FYB1: variants seen among roughly 807,000 people sequenced by gnomAD.
The protein encoded by FYB1 is FYN binding protein 1.
A neutral mutation model predicts 94.1 loss-of-function variants in FYB1; 41 were observed. The observed-to-expected ratio is 0.44, with a 90% confidence interval of 0.34 to 0.57. The LOEUF (loss-of-function observed/expected upper bound fraction) is 0.57, where lower values mean the gene tolerates loss of function less well. Ranked by LOEUF, FYB1 falls within the 20% of genes least tolerant of loss-of-function variation. The pLI is 0.02. For synonymous variants in FYB1, 367 were observed against 353.2 expected (o/e 1.04, Z -0.44); for missense variants, 1,050 against 976.8 (o/e 1.07, Z -1.00).
At chr5:39,127,196 GATA>G (rs1411557417) in intron 11 of FYB1, among the ~76,000 whole-genome samples, 6 of 150,354 alleles carry the variant, frequency 4.0e-5, no homozygotes, top group African/African-American at 9.7e-5. Flanking sequence ...TAAATGAACA[GATA>G]ATTATTATTA....
At chr5:39,265,720 C>T (rs533094317) in intron 1 of FYB1, among the ~76,000 whole-genome samples, 45 of 152,254 alleles carry the variant, frequency 3.0e-4, no homozygotes, top group Admixed American at 9.8e-4. Flanking sequence ...TTGACCCTCC[C>T]AGTGATTCTC....
intron 2 of FYB1, among the ~76,000 whole-genome samples, chr5:39,176,336 A>C (rs904337419): frequency 1.3e-5 from 2 of 151,186 alleles, no homozygotes; most frequent in Middle Eastern, 3.4e-3. Flanking sequence ...TTTTTAGTAG[A>C]TACAGGGTTT....
At chr5:39,238,475 AT>A (rs1472580024) in intron 1 of FYB1, among the ~76,000 whole-genome samples, 1 of 152,028 alleles carries the variant, frequency 6.6e-6, no homozygotes, top group South Asian at 2.1e-4. Context: ...GGTGAGATCA[AT>A]TTTTTTGCAG....
Position 39,119,055 on chromosome 5 carries a change from T to G in FYB1, c.2239-19A>C. ...CATCATACTAAAAAAAAAAGAACAA[T>G]ATTTAAATTATTGGTTTATGTGCAT... On this transcript the variant is annotated intron_variant, in intron 15 of 18. Transcript: ENST00000512982. 1 of 1,157,158 alleles carries G rather than the reference T, an allele frequency of 8.6e-7. No homozygotes were observed. Among genetic ancestry groups the G allele is most frequent in the Non-Finnish European group, 1.2e-6 (1 of 859,006 alleles). 71.7% of individuals were successfully genotyped at this position (1,157,158 alleles called of 1,614,324 possible).
In FYB1 at chr5:39,185,605, T is replaced by TAC. The variant is rs1194146240; in HGVS notation, c.1135+16219_1135+16220dup. Among the ~76,000 whole-genome samples, 18 of 145,256 alleles carry TAC rather than the reference T, an allele frequency of 1.2e-4. 1 individual carries two copies. Among genetic ancestry groups the TAC allele is most frequent in the Non-Finnish European group, 2.2e-4 (15 of 66,902 alleles). On this transcript the variant is annotated intron_variant, in intron 2 of 18. Coordinates refer to ENST00000512982, the MANE Select transcript of FYB1 (RefSeq NM_001465.6). The stretch of plus-strand genomic sequence containing the variant: ...ATATATACATATATATACATATATA[T>TAC]ACACATATATATATATACACACATA...
At chr5:39,150,480 CTTACT>C (rs1186038742) in intron 3 of FYB1, among the ~76,000 whole-genome samples, 3 of 152,212 alleles carry the variant, frequency 2.0e-5, no homozygotes, top group African/African-American at 7.2e-5. Context: ...CTTTGGAACA[CTTACT>C]TTACTTTATG....
chr5:39,263,816 G>T (rs1752321644), intron 1 of FYB1, among the ~76,000 whole-genome samples: 1 of 152,160 alleles, frequency 6.6e-6, no homozygotes, highest in African/African-American at 2.4e-5. Flanking sequence ...CCCAAGCCAG[G>T]ATCAAGGCTA....
chr5:39,241,247 G>T lies in FYB1; in HGVS notation c.-28+33156C>A, dbSNP rs192881782. On this transcript the variant is annotated intron_variant, in intron 1 of 1. Transcript: ENST00000510188. ...ACCCACCTGGGTGATGAAATAATCT[G>T]TACAAAAAACCCCTGTGATGCACAG... Among the ~76,000 whole-genome samples, 102 of 152,214 alleles carry T rather than the reference G, an allele frequency of 6.7e-4. 1 individual carries two copies. Among genetic ancestry groups the T allele is most frequent in the Non-Finnish European group, 2.9e-5 (2 of 68,004 alleles).
At chr5:39,270,680 C>G in intron 1 of FYB1, 1 of 1,051,318 alleles carries the variant, frequency 9.5e-7, no homozygotes, top group Non-Finnish European at 1.4e-6. Flanking sequence ...CTTTTCTGAG[C>G]TGTGTGGTCT....
chr5:39,230,543 GTATAA>G (rs1226013581), intron 1 of FYB1, among the ~76,000 whole-genome samples: 1 of 151,774 alleles, frequency 6.6e-6, no homozygotes, highest in Non-Finnish European at 1.5e-5. Context: ...ATGTATATAT[GTATAA>G]TATGTGTATA....
In FYB1 at chr5:39,243,926, G is replaced by A. The variant is rs532233979; in HGVS notation, c.-28+30477C>T. The stretch of plus-strand genomic sequence containing the variant: ...CAATTGTGAATGGGAGTTCACTCAT[G>A]ATTTAGCTCTCTGTTTGTCTGTTAT... On this transcript the variant is annotated intron_variant, in intron 1 of 1. Coordinates refer to the FYB1 transcript ENST00000510188. Among the ~76,000 whole-genome samples, 4 of 152,306 alleles carry A rather than the reference G, an allele frequency of 2.6e-5. No individual in the cohort carries two copies. The East Asian group carries it at 7.7e-4, about 29-fold the overall frequency.
At chr5:39,250,835 C>A (rs546074221) in intron 1 of FYB1, 1 of 152,186 alleles carries the variant, frequency 6.6e-6, no homozygotes, top group Admixed American at 6.5e-5. Context: ...ATTCTGATTT[C>A]AGGATAAGGA....
intron 10 of FYB1, among the ~76,000 whole-genome samples, chr5:39,128,488 A>T (rs1466477877): frequency 6.6e-6 from 1 of 152,106 alleles, no homozygotes; most frequent in Non-Finnish European, 1.5e-5. Context: ...GCTGGGAAAT[A>T]TAGGGGCCAT....
chr5:39,253,877 C>T (rs958556738), intron 1 of FYB1, among the ~76,000 whole-genome samples: 2 of 152,152 alleles, frequency 1.3e-5, no homozygotes, highest in Non-Finnish European at 1.5e-5. Context: ...TGTGTTGTTG[C>T]CCTCTATGAG....
chr5:39,248,966 T>G (rs1374674162), intron 1 of FYB1, among the ~76,000 whole-genome samples: 2 of 152,240 alleles, frequency 1.3e-5, no homozygotes, highest in East Asian at 3.8e-4. Flanking sequence ...GTTTAAATTT[T>G]TGTTAATTAA....
chr5:39,233,455 G>C (rs1750832532), intron 1 of FYB1, among the ~76,000 whole-genome samples: 2 of 152,082 alleles, frequency 1.3e-5, no homozygotes, highest in Non-Finnish European at 2.9e-5. Flanking sequence ...CAACTCTTTG[G>C]TTTCAAGACC....
chr5:39,262,503 T>C (rs996264734), intron 1 of FYB1, among the ~76,000 whole-genome samples: 2 of 152,190 alleles, frequency 1.3e-5, no homozygotes, highest in African/African-American at 4.8e-5. Context: ...ATGTCAAGTT[T>C]TAGGGATGAT....
In FYB1 at chr5:39,231,264, T is replaced by G. The variant is rs116512528; in HGVS notation, c.-27-28277A>C. ...TGGACAAGTCATGTCCCCATTTCCATCCTCAATTCCATGAATTCAATTAGG... is the reference window on the plus strand; with the variant it reads ...TGGACAAGTCATGTCCCCATTTCCAGCCTCAATTCCATGAATTCAATTAGG... On this transcript the variant is annotated intron_variant, in intron 1 of 1. Transcript: ENST00000510188. 6.5e-3 allele frequency among the ~76,000 whole-genome samples: 987 copies of G among 151,624 alleles called. 15 individuals are homozygous for G. The highest frequency in any genetic ancestry group is 0.023 in the African/African-American group (936 of 41,314).
intron 11 of FYB1, among the ~76,000 whole-genome samples, chr5:39,127,468 A>AC (rs1409733853): frequency 6.6e-6 from 1 of 151,318 alleles, no homozygotes; most frequent in Non-Finnish European, 1.5e-5. Context: ...AAAAAAAAAA[A>AC]AAAAATACAC....
Sources: gnomAD v4.1 joint callset for allele counts (sites outside exome capture counted in the v4.1 genomes callset) on GRCh38, gnomAD v4.1.1 for gene constraint, MANE v1.5 for transcripts, NCBI Gene and HGNC (gene_info 2026-07-23, HGNC 2026-07-21) for gene names.